Variants in CFAP45 observed in about 807,000 individuals in gnomAD.
CFAP45 encodes cilia and flagella associated protein 45.
In CFAP45, 43 loss-of-function variants were observed where a neutral mutation model predicts 75.6. That is an observed-to-expected ratio of 0.57 (90% CI 0.45 to 0.73). The LOEUF is 0.73. Among genes scored for constraint, CFAP45 ranks in the 30% least tolerant of loss-of-function variants. CFAP45 has a pLI of 0.00. For missense variants in CFAP45, 689 were observed against 701.5 expected (o/e 0.98, Z 0.20); for synonymous variants, 223 against 244.6 (o/e 0.91, Z 0.82).
intron 11 of CFAP45, 99 bp from the exon 12 acceptor site, chr1:159,872,662 T>C: frequency 9.5e-7 from 1 of 1,052,470 alleles, no homozygotes; most frequent in Non-Finnish European, 1.5e-6. Context: ...CCTGGGGGCC[T>C]GCACCCCCCA....
chr1:159,885,003 T>C (rs1196650337), intron 6 of CFAP45, among the ~76,000 whole-genome samples: 1 of 152,154 alleles, frequency 6.6e-6, no homozygotes. Flanking sequence ...TGTCAGTGAT[T>C]CCCTATGTGT....
intron 7 of CFAP45, among the ~76,000 whole-genome samples, chr1:159,881,202 T>C (rs1047809465): frequency 1.3e-5 from 2 of 152,190 alleles, no homozygotes; most frequent in African/African-American, 4.8e-5. Flanking sequence ...TCCTAAAAGG[T>C]AGGTAGGCCT....
intron 1 of CFAP45, 30 bp from the exon 2 acceptor site, chr1:159,893,335 T>A (rs781407013): frequency 2.9e-5 from 47 of 1,610,182 alleles, no homozygotes; most frequent in Non-Finnish European, 2.9e-5. Flanking sequence ...GTTTGGGTCA[T>A]CAGTACTGAG....
In CFAP45 at chr1:159,880,619, C is replaced by T; in HGVS notation, c.979G>A (p.Ala327Thr). ...RINDENQKQK[A>T]ELLAQEKLAD... ...AGCTTCTCCTGAGCCAGCAGTTCTG[C>T]TTTCTGTTTCTGGTTTTCATCATTG... The change falls in exon 8 of 12, where the codon GCA (alanine) becomes ACA (threonine). Residue 327 changes from alanine (A) to threonine (T), a missense_variant. By Grantham distance (58) the Ala-to-Thr change is moderately conservative (BLOSUM62 0). Coordinates refer to ENST00000368099, the MANE Select transcript of CFAP45 (RefSeq NM_012337.3). 1 of 1,613,930 alleles carries T rather than the reference C, an allele frequency of 6.2e-7. No homozygotes were observed. Among genetic ancestry groups the T allele is most frequent in the Non-Finnish European group, 8.5e-7 (1 of 1,179,896 alleles).
intron 2 of CFAP45, 118 bp from the exon 3 acceptor site, chr1:159,890,740 C>T (rs1235764435): frequency 1.6e-5 from 12 of 743,582 alleles, no homozygotes; most frequent in East Asian, 8.6e-5. Flanking sequence ...GGATGTGTAC[C>T]GACCAGCTTT....
intron 4 of CFAP45, 88 bp downstream of exon 4, chr1:159,888,264 C>T (rs1649741627): frequency 2.2e-6 from 3 of 1,371,988 alleles, no homozygotes; most frequent in Admixed American, 2.0e-5. Context: ...ATTTGTGCCT[C>T]ATTTCAGGGT....
chr1:159,876,757 T>C lies in CFAP45; in HGVS notation c.1159-8A>G, dbSNP rs747575631. The C allele has an allele frequency of 6.2e-7, 1 of 1,614,106 alleles. No homozygotes were observed. Among genetic ancestry groups the C allele is most frequent in the Middle Eastern group, 1.6e-4 (1 of 6,062 alleles). On this transcript the variant is annotated splice_polypyrimidine_tract_variant and splice_region_variant and intron_variant, in intron 9 of 11. Coordinates refer to ENST00000368099, the MANE Select transcript of CFAP45 (RefSeq NM_012337.3). The stretch of plus-strand genomic sequence containing the variant: ...CTTGGCCCGCAAGGCATCCTGGGAA[T>C]GTTGGCAGGGGACCAGTGAGGGCAC...
At chr1:159,884,817 GT>G (rs1291647068) in intron 6 of CFAP45, among the ~76,000 whole-genome samples, 1 of 152,058 alleles carries the variant, frequency 6.6e-6, no homozygotes, top group Non-Finnish European at 1.5e-5. Flanking sequence ...TTCTTTATTT[GT>G]TTGTCCAAGA....
Position 159,879,708 on chromosome 1 carries a change from G to A in CFAP45, c.1044+846C>T, listed in dbSNP as rs540858136. On this transcript the variant is annotated intron_variant, in intron 8 of 11. Coordinates refer to ENST00000368099, the MANE Select transcript of CFAP45 (RefSeq NM_012337.3). ...TGTGGTTTGTATTCAGAACATATAGGTGTACCAAATATGCCATTCAAATTA... is the reference window on the plus strand; with the variant it reads ...TGTGGTTTGTATTCAGAACATATAGATGTACCAAATATGCCATTCAAATTA... 3.3e-4 allele frequency among the ~76,000 whole-genome samples: 50 copies of A among 152,186 alleles called. No homozygotes were observed. In the South Asian group the frequency reaches 3.9e-3, roughly 12 times the overall value.
chr1:159,876,300 TCCAGGGTAAATAATC>T (rs1571178722), intron 10 of CFAP45: 1 of 555,360 alleles, frequency 1.8e-6, no homozygotes, highest in East Asian at 3.1e-5. Flanking sequence ...CTTTTACTGT[TCCAGGGTAAATAATC>T]CCAGTCATCA....
intron 7 of CFAP45, 117 bp downstream of exon 7, chr1:159,884,319 G>A: frequency 9.5e-7 from 1 of 1,053,618 alleles, no homozygotes. Context: ...CGGTGATGAT[G>A]TTGTGAAATG....
At chr1:159,884,408 A>G in intron 7 of CFAP45, 28 bp downstream of exon 7, 1 of 1,579,228 alleles carries the variant, frequency 6.3e-7, no homozygotes, top group South Asian at 1.2e-5. Flanking sequence ...AGCTGGTGAA[A>G]CGTGGCATTG....
At position 159,873,074 on chromosome 1, in the gene CFAP45, G is replaced by A. The variant is rs1282420064; in HGVS notation, c.1447C>T (p.Arg483Cys). Reference protein sequence around the residue: ...QHANELRRQVRENQQKEVQNR... With the variant: ...QHANELRRQVCENQQKEVQNR... ...TGCACTTCCTTCTGCTGGTTCTCGC[G>A]CACCTGGCGCCGGAGCTCATTGGCA... Residue 483 changes from arginine (R) to cysteine (C), a missense_variant, in exon 11 of 12, where the codon CGC becomes TGC. Transcript: ENST00000368099. The A allele has an allele frequency of 4.3e-6, 7 of 1,614,198 alleles. No individual in the cohort carries two copies. The highest frequency in any genetic ancestry group is 4.5e-5 in the East Asian group (2 of 44,876).
chr1:159,886,318 G>A (rs1437993021), intron 6 of CFAP45, among the ~76,000 whole-genome samples, 193 bp downstream of exon 6: 3 of 151,630 alleles, frequency 2.0e-5, no homozygotes, highest in African/African-American at 7.3e-5. Flanking sequence ...CCAGAGCCTG[G>A]GCGACAGAGT....
In CFAP45 at chr1:159,872,450, C is replaced by T. The variant is rs900903422; in HGVS notation, c.*35G>A. 3.9e-6 allele frequency: 6 copies of T among 1,546,398 alleles called. No homozygotes were observed. The highest frequency in any genetic ancestry group is 2.2e-5 in the East Asian group (1 of 44,572). ...GCCCAGAGACTGGGCAGAATCTGTC[C>T]CCCGAAGGCATCCTGAGGGCCACGA... On this transcript the variant is annotated 3_prime_UTR_variant, in exon 12 of 12. Coordinates refer to ENST00000368099, the MANE Select transcript of CFAP45 (RefSeq NM_012337.3).
At chr1:159,876,843 AG>A in intron 9 of CFAP45, 94 bp from the exon 10 acceptor site, 1 of 1,192,710 alleles carries the variant, frequency 8.4e-7, no homozygotes, top group Non-Finnish European at 1.2e-6. Context: ...AGACTCTGAC[AG>A]TCTGCTTTGA....
Position 159,888,467 on chromosome 1 carries a change from G to C in CFAP45, c.302C>G (p.Ser101Cys). 1 of 1,613,986 alleles carries C rather than the reference G, an allele frequency of 6.2e-7. No homozygotes were observed. The highest frequency in any genetic ancestry group is 8.5e-7 in the Non-Finnish European group (1 of 1,179,886). The change falls in exon 4 of 12, where the codon TCC becomes TGC. Residue 101 changes from serine (S) to cysteine (C), a missense_variant. Physicochemically the swap from Ser to Cys is moderately radical, Grantham distance 112. Transcript: ENST00000368099. ...IVPTEDPSGE[S>C]LIISPEEFER... ...AAACTCCTCAGGGCTGATGATTAGG[G>C]ACTCCCCGGAGGGATCCTCTGTGGG...
At chr1:159,880,075 T>C (rs765832891) in intron 8 of CFAP45, among the ~76,000 whole-genome samples, 7 of 152,212 alleles carry the variant, frequency 4.6e-5, no homozygotes, top group Non-Finnish European at 8.8e-5. Flanking sequence ...TCCTCCACTG[T>C]GCATTTGCTC....
intron 1 of CFAP45, among the ~76,000 whole-genome samples, chr1:159,897,583 A>T (rs1649981802): frequency 1.3e-5 from 2 of 152,226 alleles, no homozygotes; most frequent in Non-Finnish European, 2.9e-5. Context: ...ACTCCATCTC[A>T]AAAAGAAAAA....
Sources: gnomAD v4.1 joint callset for allele counts (sites outside exome capture counted in the v4.1 genomes callset) on GRCh38, gnomAD v4.1.1 for gene constraint, MANE v1.5 for transcripts, NCBI Gene and HGNC (gene_info 2026-07-23, HGNC 2026-07-21) for gene names.